Variants in ASAP3 observed in about 807,000 individuals in gnomAD.
ASAP3 encodes the protein arf-GAP with SH3 domain, ANK repeat and PH domain-containing protein 3.
ASAP3 carries 85 observed loss-of-function variants against 118.2 expected under a neutral mutation model. The ratio of observed to expected loss-of-function variants is 0.72; its 90% CI spans 0.60 to 0.86. ASAP3 has a LOEUF of 0.86. ASAP3 is among the 40% of genes least tolerant of loss of function. The pLI, the probability that ASAP3 is intolerant of heterozygous loss-of-function variation, is 0.00. For missense variants in ASAP3, 1,026 were observed against 1,175.0 expected, an observed-to-expected ratio of 0.87 and a Z score of 1.85; for synonymous variants, 432 against 477.4, an observed-to-expected ratio of 0.90 and a Z score of 1.24.
In ASAP3 at chr1:23,437,070, G is replaced by A; in HGVS notation, c.1343-26C>T. ...CTGCAGAGGAAAGCAGCTGGAGCCT[G>A]GAGGTGCAGCCCCTCCCCTCCACTT... On this transcript the variant is annotated intron_variant, in intron 14 of 24. Transcript: ENST00000336689. The surrounding 1 kb of genome is among the most constrained non-coding windows in gnomAD (Gnocchi z 6.1). 6.2e-7 allele frequency: 1 copy of A among 1,604,614 alleles called. No individual in the cohort carries two copies. The highest frequency in any genetic ancestry group is 8.5e-7 in the Non-Finnish European group (1 of 1,175,612).
intron 1 of ASAP3, among the ~76,000 whole-genome samples, chr1:23,483,327 T>C (rs564098580): frequency 3.3e-5 from 5 of 152,150 alleles, no homozygotes; most frequent in Non-Finnish European, 7.3e-5. Context: ...TGCGGAAAGC[T>C]GCAGCAGGTT....
chr1:23,458,862 C>T (rs1641476554), intron 1 of ASAP3, among the ~76,000 whole-genome samples: 1 of 152,034 alleles, frequency 6.6e-6, no homozygotes, highest in Admixed American at 6.6e-5. Flanking sequence ...CTCTAAAAGA[C>T]AATTCAGGTT....
intron 22 of ASAP3, among the ~76,000 whole-genome samples, chr1:23,432,508 C>T (rs1558103843): frequency 6.6e-6 from 1 of 152,212 alleles, no homozygotes; most frequent in Non-Finnish European, 1.5e-5. Flanking sequence ...AGGAAGCCTT[C>T]TTAAACCAAC....
intron 1 of ASAP3, among the ~76,000 whole-genome samples, chr1:23,482,492 A>G (rs1642338541): frequency 6.6e-6 from 1 of 152,132 alleles, no homozygotes; most frequent in Non-Finnish European, 1.5e-5. Flanking sequence ...ACTGTACTCC[A>G]GCCTGGGAGA....
chr1:23,430,023 T>C lies in ASAP3; in HGVS notation c.2638-93A>G, dbSNP rs547078967. On this transcript the variant is annotated intron_variant, in intron 24 of 24. Transcript: ENST00000336689. The stretch of plus-strand genomic sequence containing the variant: ...AGTTTCACATCTGTCCTATTGTAGA[T>C]AAATTAAATTATTCTCATTTTACAG... 15 of 1,034,784 alleles carry C rather than the reference T, an allele frequency of 1.4e-5. No individual in the cohort carries two copies. In the East Asian group the frequency reaches 3.7e-4, roughly 25 times the overall value. The allele number at this position is 1,034,784 out of a possible 1,614,324, so 64.1% of individuals were successfully genotyped here.
intron 1 of ASAP3, among the ~76,000 whole-genome samples, chr1:23,474,734 C>A (rs570706500): frequency 3.3e-5 from 5 of 152,262 alleles, no homozygotes; most frequent in African/African-American, 1.2e-4. Flanking sequence ...AGGTGCGTGC[C>A]ACCACGCCCG....
intron 1 of ASAP3, among the ~76,000 whole-genome samples, chr1:23,460,162 C>A (rs1641524429): frequency 6.6e-6 from 1 of 152,146 alleles, no homozygotes; most frequent in Non-Finnish European, 1.5e-5. Context: ...AAGGGAGGGA[C>A]TACACACCTG....
chr1:23,464,255 C>T (rs1641689052), intron 1 of ASAP3, among the ~76,000 whole-genome samples: 1 of 150,070 alleles, frequency 6.7e-6, no homozygotes, highest in Non-Finnish European at 1.5e-5. Context: ...GGTGTGATCT[C>T]GGCTCACTGC....
At chr1:23,453,104 G>A (rs1255354631) in intron 3 of ASAP3, among the ~76,000 whole-genome samples, 2 of 152,130 alleles carry the variant, frequency 1.3e-5, no homozygotes, top group Non-Finnish European at 2.9e-5. Context: ...CAGCCTCATC[G>A]CTGCACTGCT....
At chr1:23,474,287 CGTGTTGCCAAAGCCAGAGGCT>C (rs1198804887) in intron 1 of ASAP3, among the ~76,000 whole-genome samples, 1 of 152,042 alleles carries the variant, frequency 6.6e-6, no homozygotes, top group Non-Finnish European at 1.5e-5. Flanking sequence ...CAATGACCTC[CGTGTTGCCAAAGCCAGAGGCT>C]GTGTCTCTGT....
rs764271686 is a variant in ASAP3 at position 23,436,614 on chromosome 1, A to G, written c.1517T>C (p.Met506Thr). ...GCCGTGTGAGGGTAGCTGGGCCTCC[A>G]TGACCTCATTGAAGCTCGTGTTTCC... ...NMGNTSFNEVMEAQLPSHGGP... is the reference protein window; with the variant it reads ...NMGNTSFNEVTEAQLPSHGGP... Residue 506 changes from methionine (M) to threonine (T), a missense_variant, in exon 16 of 25, where the codon ATG becomes ACG. Met to Thr is a moderately conservative substitution (Grantham distance 81, BLOSUM62 -1). Transcript: ENST00000336689. The surrounding 1 kb of genome is among the most constrained non-coding windows in gnomAD (Gnocchi z 4.2). 2 of 1,614,192 alleles carry G rather than the reference A, an allele frequency of 1.2e-6. No individual in the cohort carries two copies. Among genetic ancestry groups the G allele is most frequent in the Non-Finnish European group, 8.5e-7 (1 of 1,180,038 alleles).
intron 1 of ASAP3, among the ~76,000 whole-genome samples, chr1:23,477,666 G>A (rs1371861000): frequency 2.6e-5 from 4 of 152,138 alleles, no homozygotes; most frequent in Admixed American, 1.3e-4. Flanking sequence ...ATGAGTCTTC[G>A]TGCCACTTAG....
intron 10 of ASAP3, among the ~76,000 whole-genome samples, chr1:23,439,768 T>C (rs1299559185): frequency 6.6e-6 from 1 of 152,216 alleles, no homozygotes; most frequent in Non-Finnish European, 1.5e-5. Flanking sequence ...GGTAGAAACA[T>C]GAATATATCC....
chr1:23,449,990 C>A (rs1641163450), intron 5 of ASAP3, among the ~76,000 whole-genome samples: 1 of 152,146 alleles, frequency 6.6e-6, no homozygotes, highest in Non-Finnish European at 1.5e-5. Context: ...CAGCCTGTGC[C>A]CTCACTACCC....
In ASAP3 at chr1:23,456,166, T is replaced by C; in HGVS notation, c.158A>G (p.Gln53Arg). ...TGCCCGCACAGCCTTCTTTATTCTC[T>C]GCAGGATGGCTTGGTCTCCTTCCAA... ...EILEGDQAILQRIKKAVRAIH... is the reference protein window; with the variant it reads ...EILEGDQAILRRIKKAVRAIH... Residue 53 changes from glutamine (Q) to arginine (R), a missense_variant, in exon 2 of 25, where the codon CAG becomes CGG. Gln to Arg is a conservative substitution (Grantham distance 43). Coordinates refer to ENST00000336689, the MANE Select transcript of ASAP3 (RefSeq NM_017707.4). The C allele has an allele frequency of 6.2e-7, 1 of 1,614,142 alleles. No individual in the cohort carries two copies. Among genetic ancestry groups the C allele is most frequent in the Non-Finnish European group, 8.5e-7 (1 of 1,180,008 alleles).
intron 1 of ASAP3, among the ~76,000 whole-genome samples, chr1:23,460,506 CAAAAAA>C (rs71023213): frequency 1.2e-5 from 1 of 84,798 alleles, no homozygotes. Flanking sequence ...GACTCCATCT[CAAAAAA>C]AAAAAAAAAA....
In ASAP3 at chr1:23,464,659, TAAAAAAAAAAAAAAA is replaced by T. The variant is rs57655847; in HGVS notation, c.130-8480_130-8466del. Among the ~76,000 whole-genome samples, 187 of 47,100 alleles carry T rather than the reference TAAAAAAAAAAAAAAA, an allele frequency of 4.0e-3. 1 individual carries two copies. Among genetic ancestry groups the T allele is most frequent in the Admixed American group, 9.1e-3 (29 of 3,180 alleles). 30.9% of individuals were successfully genotyped at this position (47,100 alleles called of 152,430 possible). On this transcript the variant is annotated intron_variant, in intron 1 of 24. Coordinates refer to ENST00000336689, the MANE Select transcript of ASAP3 (RefSeq NM_017707.4). ...TGAGTGACAGAATGAGACACTGTCT[TAAAAAAAAAAAAAAA>T]AAAAAAAAAAAAAAAAAAAATCAGC...
rs1640878967 is a variant in ASAP3, at chr1:23,441,669, C to A, written c.733G>T (p.Ala245Ser). 1 of 1,614,058 alleles carries A rather than the reference C, an allele frequency of 6.2e-7. No homozygotes were observed. Among genetic ancestry groups the A allele is most frequent in the South Asian group, 1.1e-5 (1 of 91,086 alleles). The part of the protein sequence containing the change: ...SLFPFIEKLA[A>S]SVHALHQAQE... ...ACCCAACTTACTGCATGTACTGAGG[C>A]CGCCAGCTTCTCGATGAAGGGGAAC... Residue 245 changes from alanine (A) to serine (S), a missense_variant, in exon 8 of 25, where the codon GCC becomes TCC. Physicochemically the swap from Ala to Ser is moderately conservative, Grantham distance 99. Coordinates refer to ENST00000336689, the MANE Select transcript of ASAP3 (RefSeq NM_017707.4).
At chr1:23,439,758 G>A (rs1004585213) in intron 10 of ASAP3, among the ~76,000 whole-genome samples, 15 of 152,240 alleles carry the variant, frequency 9.9e-5, no homozygotes, top group African/African-American at 3.6e-4. Context: ...CTGATTGGTA[G>A]GTAGAAACAT....
Sources: gnomAD v4.1 joint callset for allele counts (sites outside exome capture counted in the v4.1 genomes callset) on GRCh38, gnomAD v4.1.1 for gene constraint, Gnocchi (gnomAD v3.1) non-coding constraint, MANE v1.5 for transcripts, NCBI Gene and HGNC (gene_info 2026-07-23, HGNC 2026-07-21) for gene names.